Variants in MAF observed in about 807,000 individuals in gnomAD.
The protein encoded by MAF is MAF bZIP transcription factor.
Under a neutral mutation model 22.0 loss-of-function variants are expected in MAF, and 10 were observed. That is an observed-to-expected ratio of 0.45 (90% CI 0.28 to 0.77). MAF has a LOEUF of 0.77. Among genes scored for constraint, MAF ranks in the 30% least tolerant of loss-of-function variants. The probability of loss-of-function intolerance (pLI) is 0.12; values close to 1 mark genes in which losing one functional copy is unlikely to be tolerated. For missense variants in MAF, 544 were observed against 548.4 expected, an observed-to-expected ratio of 0.99 and a Z score of 0.08; for synonymous variants, 337 against 255.8, an observed-to-expected ratio of 1.32 and a Z score of -3.03.
the MAF span, among the ~76,000 whole-genome samples, chr16:79,334,376 G>A: frequency 6.6e-6 from 1 of 152,188 alleles, no homozygotes; most frequent in Non-Finnish European, 1.5e-5. Flanking sequence ...CCATGTGCGC[G>A]CTGTGCAAGG....
At chr16:79,443,452 C>T in the MAF span, among the ~76,000 whole-genome samples, 2 of 152,162 alleles carry the variant, frequency 1.3e-5, no homozygotes, top group African/African-American at 4.8e-5. Flanking sequence ...TTGGATGGCC[C>T]AAGCCTGGGC....
chr16:79,250,889 G>T, the MAF span, among the ~76,000 whole-genome samples: 53 of 152,266 alleles, frequency 3.5e-4, 1 homozygote, highest in East Asian at 1.9e-3. Flanking sequence ...GCTAAAACTG[G>T]GACAGTCCCA....
the MAF span, among the ~76,000 whole-genome samples, chr16:79,546,026 A>G: frequency 6.6e-6 from 1 of 152,062 alleles, no homozygotes; most frequent in Non-Finnish European, 1.5e-5. Flanking sequence ...AAATATATAC[A>G]TTTTTGTCCA....
the MAF span, among the ~76,000 whole-genome samples, chr16:79,337,741 T>A: frequency 6.6e-5 from 10 of 152,186 alleles, no homozygotes; most frequent in Admixed American, 2.0e-4. Flanking sequence ...GTGCACCTTA[T>A]CTCTTTCTCA....
the MAF span, among the ~76,000 whole-genome samples, chr16:79,355,480 A>G: frequency 6.6e-6 from 1 of 152,212 alleles, no homozygotes; most frequent in Non-Finnish European, 1.5e-5. Flanking sequence ...TCCAACCCCA[A>G]GGCAGAGAAG....
chr16:79,596,262 G>GA (rs143068169), intron 1 of MAF: 2 of 1,059,686 alleles, frequency 1.9e-6, no homozygotes, highest in East Asian at 5.2e-5. Flanking sequence ...ACTTTGGGGA[G>GA]AAAAAAATGA....
chr16:79,326,091 T>C, the MAF span, among the ~76,000 whole-genome samples: 1 of 152,252 alleles, frequency 6.6e-6, no homozygotes, highest in Non-Finnish European at 1.5e-5. Context: ...TCAACCTCAA[T>C]TTTTAATCCA....
At chr16:79,537,503 G>A in the MAF span, among the ~76,000 whole-genome samples, 1 of 152,178 alleles carries the variant, frequency 6.6e-6, no homozygotes, top group Non-Finnish European at 1.5e-5. Flanking sequence ...CTAAGTTCGT[G>A]CGGCTGAGTC....
At chr16:79,244,079 G>C in the MAF span, among the ~76,000 whole-genome samples, 1 of 151,934 alleles carries the variant, frequency 6.6e-6, no homozygotes, top group Non-Finnish European at 1.5e-5. Flanking sequence ...AATAATAAGA[G>C]CTATTTATGA....
chr16:79,523,077 C>G, the MAF span, among the ~76,000 whole-genome samples: 2 of 152,194 alleles, frequency 1.3e-5, no homozygotes, highest in South Asian at 4.1e-4. Flanking sequence ...CTAGGTATTT[C>G]TCTCCTGGCA....
the MAF span, among the ~76,000 whole-genome samples, chr16:79,207,768 C>G: frequency 1.4e-5 from 2 of 146,452 alleles, no homozygotes; most frequent in South Asian, 2.2e-4. Context: ...CAATGCATTA[C>G]AAATATCAAT....
chr16:79,490,137 A>C, the MAF span, among the ~76,000 whole-genome samples: 1 of 152,206 alleles, frequency 6.6e-6, no homozygotes, highest in Non-Finnish European at 1.5e-5. Flanking sequence ...TAGAGTGAAA[A>C]GATAAAAAGG....
the MAF span, among the ~76,000 whole-genome samples, chr16:79,420,119 C>G: frequency 5.3e-5 from 8 of 152,072 alleles, no homozygotes; most frequent in Non-Finnish European, 8.8e-5. Flanking sequence ...TCCAATAACA[C>G]GCCTGTGGAT....
chr16:79,526,031 G>T, the MAF span, among the ~76,000 whole-genome samples: 1 of 152,168 alleles, frequency 6.6e-6, no homozygotes, highest in Non-Finnish European at 1.5e-5. Context: ...CTTAATTTAC[G>T]AGTAAGAATA....
At chr16:79,381,223 C>T in the MAF span, among the ~76,000 whole-genome samples, 2 of 152,252 alleles carry the variant, frequency 1.3e-5, no homozygotes, top group Non-Finnish European at 2.9e-5. Flanking sequence ...AACAGTATCT[C>T]TCTTCTTACC....
At chr16:79,330,134 T>C in the MAF span, among the ~76,000 whole-genome samples, 8 of 152,222 alleles carry the variant, frequency 5.3e-5, no homozygotes, top group Non-Finnish European at 1.2e-4. Context: ...GCAAAGGCTC[T>C]CATCCTCCTG....
At chr16:79,446,709 C>A in the MAF span, among the ~76,000 whole-genome samples, 1 of 151,282 alleles carries the variant, frequency 6.6e-6, no homozygotes, top group Non-Finnish European at 1.5e-5. Context: ...CCCAGAAGTT[C>A]AAGACCAGCC....
the MAF span, among the ~76,000 whole-genome samples, chr16:79,476,598 T>C: frequency 6.6e-6 from 1 of 152,196 alleles, no homozygotes; most frequent in Admixed American, 6.5e-5. Context: ...CCCTCAGATT[T>C]TTCATCTTCC....
At chr16:79,548,874 G>A in the MAF span, among the ~76,000 whole-genome samples, 3 of 152,190 alleles carry the variant, frequency 2.0e-5, no homozygotes, top group South Asian at 4.2e-4. Context: ...TCTTGCCTCT[G>A]CTCCTTAAGC....
Sources: gnomAD v4.1 joint callset for allele counts (sites outside exome capture counted in the v4.1 genomes callset) on GRCh38, gnomAD v4.1.1 for gene constraint, MANE v1.5 for transcripts, NCBI Gene and HGNC (gene_info 2026-07-23, HGNC 2026-07-21) for gene names.